The following GLYATL2 variants were observed in gnomAD, a reference collection of about 807,000 sequenced individuals.
The protein encoded by GLYATL2 is glycine-N-acyltransferase like 2, also known as glycine N-acyltransferase-like protein 2.
GLYATL2 carries 25 observed loss-of-function variants against 21.4 expected under a neutral mutation model. That is an observed-to-expected ratio of 1.17 (90% CI 0.85 to 1.63). The LOEUF (loss-of-function observed/expected upper bound fraction) is 1.63, where lower values mean the gene tolerates loss of function less well. GLYATL2 is among the 40% of genes most tolerant of loss of function. GLYATL2 has a pLI of 0.00. For synonymous variants in GLYATL2, 114 were observed against 118.2 expected, an observed-to-expected ratio of 0.96 and a Z score of 0.23; for missense variants, 361 against 343.3, an observed-to-expected ratio of 1.05 and a Z score of -0.41.
At chr11:58,864,895 G>T (rs679551) in intron 1 of GLYATL2, among the ~76,000 whole-genome samples, 130,606 of 148,506 alleles carry the variant, frequency 0.88, 59,328 homozygotes, top group Non-Finnish European at 0.98. Context: ...AGCATCAGAG[G>T]CAGTACTCCT....
At chr11:58,846,743 C>T (rs1179588073), upstream of GLYATL2, among the ~76,000 whole-genome samples, 8 of 152,080 alleles carry the variant, frequency 5.3e-5, no homozygotes, top group African/African-American at 9.7e-5. Context: ...TCCAAGTAAA[C>T]GTGAAAGGCA....
chr11:58,866,397 A>T (rs1404687057), intron 1 of GLYATL2, among the ~76,000 whole-genome samples: 4 of 148,848 alleles, frequency 2.7e-5, no homozygotes, highest in Non-Finnish European at 4.5e-5. Flanking sequence ...ATGCAACCAC[A>T]TCTAAAGCCA....
At chr11:58,840,448 G>A (rs1590714980) in intron 1 of GLYATL2, among the ~76,000 whole-genome samples, 1 of 152,030 alleles carries the variant, frequency 6.6e-6, no homozygotes, top group East Asian at 1.9e-4. Context: ...AGATTACCAG[G>A]CAACTATCAA....
chr11:58,864,120 G>A (rs519256), intron 1 of GLYATL2, among the ~76,000 whole-genome samples: 135,006 of 152,202 alleles, frequency 0.89, 61,043 homozygotes, highest in Non-Finnish European at 0.98. Context: ...CTGTGACCAC[G>A]GGGGCTAGCC....
intron 5 of GLYATL2, among the ~76,000 whole-genome samples, chr11:58,836,013 A>G (rs1377031470): frequency 6.6e-6 from 1 of 152,092 alleles, no homozygotes; most frequent in Middle Eastern, 3.2e-3. Context: ...TTCAATTAGT[A>G]ATACAAATAT....
intron 1 of GLYATL2, among the ~76,000 whole-genome samples, chr11:58,882,901 G>T (rs889164888): frequency 1.3e-5 from 2 of 152,168 alleles, no homozygotes; most frequent in Admixed American, 6.5e-5. Context: ...TGAAGGCTCT[G>T]TTCTGTTCCA....
intron 1 of GLYATL2, chr11:58,885,443 T>C (rs1391786651): frequency 2.0e-6 from 1 of 497,818 alleles, no homozygotes; most frequent in Non-Finnish European, 4.0e-6. Context: ...TATATATGGC[T>C]GTGTGTATCA....
intron 1 of GLYATL2, among the ~76,000 whole-genome samples, chr11:58,891,574 A>G (rs1854544503): frequency 6.6e-6 from 1 of 152,150 alleles, no homozygotes; most frequent in African/African-American, 2.4e-5. Context: ...ATAGTACCCA[A>G]TAAGTAGTTT....
chr11:58,872,071 T>C (rs1272689545), intron 1 of GLYATL2, among the ~76,000 whole-genome samples: 1 of 152,270 alleles, frequency 6.6e-6, no homozygotes, highest in African/African-American at 2.4e-5. Flanking sequence ...TTTGGCTGCA[T>C]AAATGTCTTC....
upstream of GLYATL2, among the ~76,000 whole-genome samples, chr11:58,844,940 G>A (rs1437294525): frequency 6.6e-6 from 1 of 152,136 alleles, no homozygotes; most frequent in African/African-American, 2.4e-5. Flanking sequence ...CCTCAAGGAA[G>A]TTACTGTAAT....
chr11:58,850,202 T>TG (rs1436468237), intron 1 of GLYATL2, among the ~76,000 whole-genome samples: 1 of 152,168 alleles, frequency 6.6e-6, no homozygotes, highest in Non-Finnish European at 1.5e-5. Flanking sequence ...CCCCATTCAG[T>TG]GTGATACTAG....
At chr11:58,855,503 T>C (rs1853812845) in intron 1 of GLYATL2, among the ~76,000 whole-genome samples, 2 of 152,246 alleles carry the variant, frequency 1.3e-5, no homozygotes, top group South Asian at 4.1e-4. Context: ...TTGTAGAGAA[T>C]AGGCAAACTC....
intron 1 of GLYATL2, among the ~76,000 whole-genome samples, chr11:58,856,519 A>G (rs1853830236): frequency 6.6e-6 from 1 of 152,184 alleles, no homozygotes; most frequent in Admixed American, 6.5e-5. Flanking sequence ...CCTATGCTTA[A>G]TCATTTTTCG....
intron 1 of GLYATL2, among the ~76,000 whole-genome samples, chr11:58,858,496 G>A (rs1853872637): frequency 2.0e-5 from 3 of 151,286 alleles, no homozygotes; most frequent in Non-Finnish European, 2.9e-5. Context: ...GATCAAATAA[G>A]CCCTTCCCTT....
chr11:58,905,012 A>G (rs1222987674), upstream of GLYATL2, among the ~76,000 whole-genome samples: 1 of 152,230 alleles, frequency 6.6e-6, no homozygotes, highest in Admixed American at 6.5e-5. Context: ...CTCAAGCCCC[A>G]TGCAAAGCAC....
chr11:58,890,299 CCCAGCAATG>C (rs2134620705), intron 1 of GLYATL2, among the ~76,000 whole-genome samples: 1 of 152,262 alleles, frequency 6.6e-6, no homozygotes, highest in Non-Finnish European at 1.5e-5. Context: ...TACCATTTAA[CCCAGCAATG>C]CCATTACTAG....
At chr11:58,839,723 G>A (rs1317105175) in intron 1 of GLYATL2, 71 bp from the exon 2 acceptor site, 1 of 682,866 alleles carries the variant, frequency 1.5e-6, no homozygotes, top group East Asian at 2.6e-5. Flanking sequence ...AGAGGAAGGA[G>A]AAGTCACCAG....
At chr11:58,886,915 T>A (rs1027525688) in intron 1 of GLYATL2, among the ~76,000 whole-genome samples, 1 of 151,960 alleles carries the variant, frequency 6.6e-6, no homozygotes, top group Non-Finnish European at 1.5e-5. Context: ...AACAAAGGGG[T>A]AAAGGGGATG....
intron 1 of GLYATL2, among the ~76,000 whole-genome samples, chr11:58,896,990 A>G (rs1383963287): frequency 1.3e-5 from 2 of 152,204 alleles, no homozygotes; most frequent in African/African-American, 2.4e-5. Flanking sequence ...CCTTGTAGGC[A>G]GATGAACCCG....
Sources: allele counts gnomAD v4.1 joint callset (sites outside exome capture counted in the v4.1 genomes callset), GRCh38; gene constraint gnomAD v4.1.1; transcripts MANE v1.5; gene names NCBI Gene and HGNC (gene_info 2026-07-23, HGNC 2026-07-21).